The following ASH1L variants were observed in gnomAD, a reference collection of about 807,000 sequenced individuals.
The protein encoded by ASH1L is histone-lysine N-methyltransferase ASH1L.
ASH1L carries 23 observed loss-of-function variants against 269.0 expected under a neutral mutation model. The ratio of observed to expected loss-of-function variants is 0.09; its 90% CI spans 0.06 to 0.12. The LOEUF (loss-of-function observed/expected upper bound fraction) is 0.12, where lower values mean the gene tolerates loss of function less well. ASH1L is among the 10% of genes least tolerant of loss of function. The pLI, the probability that ASH1L is intolerant of heterozygous loss-of-function variation, is 1.00. For synonymous variants in ASH1L, 1,187 were observed against 1,253.5 expected, an observed-to-expected ratio of 0.95 and a Z score of 1.12; for missense variants, 2,912 against 3,567.8, an observed-to-expected ratio of 0.82 and a Z score of 4.68.
intron 4 of ASH1L, among the ~76,000 whole-genome samples, chr1:155,445,100 T>A (rs1662908504): frequency 6.6e-6 from 1 of 152,206 alleles, no homozygotes; most frequent in African/African-American, 2.4e-5. Flanking sequence ...GTCAGTGATC[T>A]TTTTATTCCA....
intron 3 of ASH1L, among the ~76,000 whole-genome samples, chr1:155,464,506 T>C (rs1193635504): frequency 6.6e-6 from 1 of 151,634 alleles, no homozygotes; most frequent in African/African-American, 2.4e-5. Context: ...GTAGAAATTA[T>C]AGGCAAGCTG....
intron 2 of ASH1L, among the ~76,000 whole-genome samples, chr1:155,508,859 G>A (rs1303284218): frequency 6.6e-6 from 1 of 152,030 alleles, no homozygotes; most frequent in Non-Finnish European, 1.5e-5. Context: ...ACCTAAATAG[G>A]CACAATAATA....
intron 12 of ASH1L, among the ~76,000 whole-genome samples, chr1:155,368,967 G>T (rs1321900705): frequency 1.3e-5 from 2 of 152,156 alleles, no homozygotes; most frequent in Admixed American, 1.3e-4. Flanking sequence ...TTCACATGAA[G>T]TTCTGGAATA....
rs776228501 is a variant in ASH1L, at chr1:155,339,360, G to A, written c.8469C>T (p.Tyr2823=). The A allele has an allele frequency of 4.3e-6, 7 of 1,613,506 alleles. No homozygotes were observed. Among genetic ancestry groups the A allele is most frequent in the South Asian group, 3.3e-5 (3 of 91,074 alleles). ...CATTCCTCTTGTAGTTGTCTGGGAC[G>A]TAATGAGGCTGCAGAGAAGAAAAGG... ...LTPKKDFSPH[Y]VPDNYKRNGG... The change falls in exon 26 of 28, where the codon TAC becomes TAT. Residue 2823 remains tyrosine (Y), a synonymous_variant. Transcript: ENST00000392403.
At chr1:155,547,279 A>T (rs1008096357) in intron 1 of ASH1L, among the ~76,000 whole-genome samples, 15 of 141,746 alleles carry the variant, frequency 1.1e-4, no homozygotes, top group African/African-American at 1.6e-4. Context: ...ACTACCATTT[A>T]AAAAAAAAAA....
intron 7 of ASH1L, among the ~76,000 whole-genome samples, chr1:155,389,761 C>T (rs1313169736): frequency 6.6e-6 from 1 of 152,026 alleles, no homozygotes; most frequent in Non-Finnish European, 1.5e-5. Flanking sequence ...TGAGAAAATA[C>T]CAAGGAGCAT....
At chr1:155,507,055 G>A (rs1371614301) in intron 2 of ASH1L, among the ~76,000 whole-genome samples, 2 of 152,138 alleles carry the variant, frequency 1.3e-5, no homozygotes, top group Non-Finnish European at 2.9e-5. Flanking sequence ...GGCCAAGGCG[G>A]GCAGGCCACC....
chr1:155,417,586 A>G (rs1660318976), intron 5 of ASH1L, among the ~76,000 whole-genome samples: 1 of 152,194 alleles, frequency 6.6e-6, no homozygotes, highest in African/African-American at 2.4e-5. Context: ...ACATTGTTCA[A>G]CAATAGGGGA....
intron 10 of ASH1L, among the ~76,000 whole-genome samples, chr1:155,377,399 A>G (rs1371063661): frequency 6.6e-6 from 1 of 152,068 alleles, no homozygotes; most frequent in East Asian, 1.9e-4. Flanking sequence ...TGTGGCAACC[A>G]TATATTGAGA....
chr1:155,533,268 C>A (rs1558200363), intron 1 of ASH1L, among the ~76,000 whole-genome samples: 1 of 152,014 alleles, frequency 6.6e-6, no homozygotes, highest in Non-Finnish European at 1.5e-5. Flanking sequence ...AAATGTTTTA[C>A]ATATATTATC....
At chr1:155,443,433 T>C (rs1285928460) in intron 4 of ASH1L, among the ~76,000 whole-genome samples, 1 of 152,238 alleles carries the variant, frequency 6.6e-6, no homozygotes, top group African/African-American at 2.4e-5. Context: ...TTTTCAAAAT[T>C]AACTTCACTG....
intron 4 of ASH1L, among the ~76,000 whole-genome samples, chr1:155,450,553 A>G (rs144718078): frequency 1.3e-5 from 2 of 152,318 alleles, no homozygotes; most frequent in East Asian, 3.9e-4. Context: ...TCTTCCTTTA[A>G]AAAATGTTGA....
At chr1:155,348,718 C>A (rs960058212) in intron 19 of ASH1L, among the ~76,000 whole-genome samples, 2 of 151,948 alleles carry the variant, frequency 1.3e-5, no homozygotes, top group Non-Finnish European at 2.9e-5. Context: ...CCTGTCTCTA[C>A]TAAAAATACA....
chr1:155,358,135 GAC>G (rs1285785392), intron 13 of ASH1L, among the ~76,000 whole-genome samples: 1 of 151,990 alleles, frequency 6.6e-6, no homozygotes, highest in Admixed American at 6.6e-5. Flanking sequence ...TGAGCATTTG[GAC>G]ACACATTAAG....
intron 3 of ASH1L, among the ~76,000 whole-genome samples, chr1:155,475,594 T>C (rs1045477935): frequency 6.6e-6 from 1 of 152,234 alleles, no homozygotes; most frequent in Admixed American, 6.5e-5. Flanking sequence ...CATTATTTAT[T>C]TGCTTATCAC....
intron 3 of ASH1L, among the ~76,000 whole-genome samples, chr1:155,463,284 T>C (rs972689576): frequency 6.6e-5 from 10 of 151,962 alleles, no homozygotes; most frequent in Admixed American, 2.7e-4. Flanking sequence ...GAGTAAAGCA[T>C]CCTTGGGTTT....
At chr1:155,482,509 G>C (rs1438629011) in intron 2 of ASH1L, 60 bp from the exon 3 acceptor site, 3 of 1,509,138 alleles carry the variant, frequency 2.0e-6, no homozygotes, top group Non-Finnish European at 1.8e-6. Context: ...CTTTAGCTTA[G>C]CTTAACAATC....
At chr1:155,372,333 A>G (rs1656033770) in intron 10 of ASH1L, among the ~76,000 whole-genome samples, 1 of 143,818 alleles carries the variant, frequency 7.0e-6, no homozygotes, top group Non-Finnish European at 1.5e-5. Context: ...TTTTGAGGCA[A>G]AGTCTCGCTC....
intron 25 of ASH1L, among the ~76,000 whole-genome samples, chr1:155,340,895 A>G (rs1232195066): frequency 6.6e-6 from 1 of 150,784 alleles, no homozygotes; most frequent in African/African-American, 2.4e-5. Flanking sequence ...TCAGCCTCCC[A>G]AGGTGCTGAG....
Sources: allele counts gnomAD v4.1 joint callset (sites outside exome capture counted in the v4.1 genomes callset), GRCh38; gene constraint gnomAD v4.1.1; transcripts MANE v1.5; gene names NCBI Gene and HGNC (gene_info 2026-07-23, HGNC 2026-07-21).